Variants in EPHA4 observed in about 807,000 individuals in gnomAD.
The protein encoded by EPHA4 is EPH receptor A4, also known as ephrin type-A receptor 4.
EPHA4 carries 19 observed loss-of-function variants against 108.3 expected under a neutral mutation model. That is an observed-to-expected ratio of 0.18 (90% CI 0.12 to 0.26). The LOEUF is 0.26. Among genes scored for constraint, EPHA4 ranks in the 10% least tolerant of loss-of-function variants. The probability of loss-of-function intolerance (pLI) is 1.00; values close to 1 mark genes in which losing one functional copy is unlikely to be tolerated. For missense variants in EPHA4, 917 were observed against 1,254.0 expected (o/e 0.73, Z 4.06); for synonymous variants, 449 against 455.5 (o/e 0.99, Z 0.18).
chr2:221,571,647 C>G lies in EPHA4; in HGVS notation c.91+511G>C, dbSNP rs776261137. 1.3e-5 allele frequency among the ~76,000 whole-genome samples: 2 copies of G among 152,144 alleles called. No individual in the cohort carries two copies. The highest frequency in any genetic ancestry group is 2.9e-5 in the Non-Finnish European group (2 of 68,024). On this transcript the variant is annotated intron_variant, in intron 1 of 17. Transcript: ENST00000281821. The surrounding 1 kb of genome is among the most constrained non-coding windows in gnomAD (Gnocchi z 6.3). ...GGCGCCTGACGAGCGGCGCCACGAC[C>G]GCTGCGCTGCGGAGCAGGCCCCGCA...
At chr2:221,433,472 G>A (rs890943260) in intron 14 of EPHA4, among the ~76,000 whole-genome samples, 4 of 152,084 alleles carry the variant, frequency 2.6e-5, no homozygotes, top group Non-Finnish European at 4.4e-5. Context: ...CGTGTTCTAG[G>A]AAGACCCCTT....
chr2:221,506,255 T>C (rs867187875), intron 3 of EPHA4, among the ~76,000 whole-genome samples: 1 of 152,228 alleles, frequency 6.6e-6, no homozygotes, highest in African/African-American at 2.4e-5. Context: ...TGGCCATTAT[T>C]AAATTAGTTC....
chr2:221,495,107 T>C (rs1692263646), intron 4 of EPHA4, among the ~76,000 whole-genome samples: 1 of 151,936 alleles, frequency 6.6e-6, no homozygotes, highest in African/African-American at 2.4e-5. Context: ...GTGAGGATTC[T>C]GGAAGAAACA....
At chr2:221,516,749 G>A (rs1216428778) in intron 3 of EPHA4, among the ~76,000 whole-genome samples, 4 of 150,588 alleles carry the variant, frequency 2.7e-5, no homozygotes, top group Non-Finnish European at 3.0e-5. Context: ...AGTCCAGCAC[G>A]TTTATCTTTC....
Position 221,454,624 on chromosome 2 carries a change from G to C in EPHA4, c.1715+923C>G, listed in dbSNP as rs115041782. Among the ~76,000 whole-genome samples the C allele has an allele frequency of 5.3e-3, 803 of 152,280 alleles. 5 individuals are homozygous for C. Among genetic ancestry groups the C allele is most frequent in the African/African-American group, 0.018 (764 of 41,558 alleles). ...ATGGTATATGGGGATGCCGATCAGG[G>C]AAGAGGCAGATTCTTACACATCAAA... On this transcript the variant is annotated intron_variant, in intron 8 of 17. Coordinates refer to ENST00000281821, the MANE Select transcript of EPHA4 (RefSeq NM_004438.5).
At chr2:221,549,966 G>A (rs968656107) in intron 3 of EPHA4, among the ~76,000 whole-genome samples, 2 of 152,204 alleles carry the variant, frequency 1.3e-5, no homozygotes, top group African/African-American at 4.8e-5. Context: ...GGGCAGCAGA[G>A]TGAGACTCCA....
chr2:221,426,359 C>T lies in EPHA4; in HGVS notation c.2846+105G>A, dbSNP rs978796715. ...TACTCAATCAAAATGAGAGGCATTC[C>T]AGATTTTTTTTAAATGAGTAGGATG... On this transcript the variant is annotated intron_variant, in intron 16 of 17. Transcript: ENST00000281821. The T allele has an allele frequency of 6.6e-6, 9 of 1,364,744 alleles. No homozygotes were observed. The African/African-American group carries it at 1.3e-4, about 20-fold the overall frequency. The allele number at this position is 1,364,744 out of a possible 1,614,324, so 84.5% of individuals were successfully genotyped here. A position where few individuals can be genotyped will look rare whatever the true frequency, so the allele number is the denominator to read the frequency against.
rs777131300 is a variant in EPHA4 at position 221,568,764 on chromosome 2, G to A, written c.113C>T (p.Ser38Phe). 2 of 1,613,724 alleles carry A rather than the reference G, an allele frequency of 1.2e-6. No individual in the cohort carries two copies. The highest frequency in any genetic ancestry group is 1.7e-6 in the Non-Finnish European group (2 of 1,179,860). The change falls in exon 2 of 18, where the codon TCT becomes TTT. Residue 38 changes from serine (S) to phenylalanine (F), a missense_variant. By Grantham distance (155) the Ser-to-Phe change is radical. Coordinates refer to ENST00000281821, the MANE Select transcript of EPHA4 (RefSeq NM_004438.5). ...TATCCACCCAAGTTCTCCCTGAACA[G>A]ATCTGGAATCCAATAAGGTAACTGC... is the stretch of plus-strand genomic sequence containing the variant. ...ANEVTLLDSR[S>F]VQGELGWIAS...
intron 3 of EPHA4, among the ~76,000 whole-genome samples, chr2:221,546,727 C>T (rs1694009356): frequency 6.6e-6 from 1 of 152,096 alleles, no homozygotes; most frequent in Non-Finnish European, 1.5e-5. Flanking sequence ...TGAGAAAAGA[C>T]AATAAAGAAC....
At chr2:221,463,011 C>T (rs1025065755) in intron 5 of EPHA4, among the ~76,000 whole-genome samples, 1 of 152,114 alleles carries the variant, frequency 6.6e-6, no homozygotes. Context: ...GGATCCTAAG[C>T]CTCCAAAGAT....
chr2:221,543,840 G>A (rs543559406), intron 3 of EPHA4, among the ~76,000 whole-genome samples: 1 of 152,210 alleles, frequency 6.6e-6, no homozygotes, highest in Admixed American at 6.5e-5. Context: ...GAAGCTTTAG[G>A]ATGCCATGTA....
At chr2:221,539,158 C>T (rs1014317386) in intron 3 of EPHA4, among the ~76,000 whole-genome samples, 2 of 152,118 alleles carry the variant, frequency 1.3e-5, no homozygotes, top group Admixed American at 6.5e-5. Context: ...TAGGAGTAAG[C>T]GCTAATATTG....
intron 4 of EPHA4, among the ~76,000 whole-genome samples, chr2:221,494,584 G>GCAA (rs1692249677): frequency 6.6e-6 from 1 of 152,130 alleles, no homozygotes; most frequent in Non-Finnish European, 1.5e-5. Flanking sequence ...TCCAGCCTGG[G>GCAA]CAACACAGTG....
At chr2:221,454,106 G>T (rs1232643299) in intron 8 of EPHA4, among the ~76,000 whole-genome samples, 4 of 152,042 alleles carry the variant, frequency 2.6e-5, no homozygotes, top group Non-Finnish European at 5.9e-5. Context: ...CTTGAACCCA[G>T]GAGGCAGACG....
chr2:221,499,748 ATATATATATTTT>A (rs1353748572), intron 4 of EPHA4, among the ~76,000 whole-genome samples: 53 of 44,926 alleles, frequency 1.2e-3, no homozygotes, highest in African/African-American at 6.1e-3. Flanking sequence ...ATATATATAT[ATATATATATTTT>A]TTTTTTTTTT....
intron 4 of EPHA4, among the ~76,000 whole-genome samples, chr2:221,484,521 T>A (rs1262006661): frequency 2.0e-5 from 3 of 152,228 alleles, no homozygotes; most frequent in South Asian, 2.1e-4. Flanking sequence ...AAGGGAAGAT[T>A]ACTTCACATA....
chr2:221,429,585 T>A (rs1049119856), intron 15 of EPHA4, among the ~76,000 whole-genome samples: 2 of 152,208 alleles, frequency 1.3e-5, no homozygotes, highest in African/African-American at 4.8e-5. Context: ...TATTTCTTAC[T>A]ATTCCAGTGT....
chr2:221,469,277 T>C (rs1691405417), intron 5 of EPHA4, among the ~76,000 whole-genome samples: 1 of 152,148 alleles, frequency 6.6e-6, no homozygotes, highest in African/African-American at 2.4e-5. Flanking sequence ...AGAGTATCAT[T>C]TACAGCTTTT....
chr2:221,564,394 A>G lies in EPHA4; in HGVS notation c.160T>C (p.Trp54Arg). 1 of 1,605,882 alleles carries G rather than the reference A, an allele frequency of 6.2e-7. No homozygotes were observed. Among genetic ancestry groups the G allele is most frequent in the Non-Finnish European group, 8.5e-7 (1 of 1,173,712 alleles). Residue 54 changes from tryptophan to arginine, a missense_variant and splice_region_variant, in exon 3 of 18, where the codon TGG becomes CGG. Transcript: ENST00000281821. The part of the protein sequence containing the change: ...GWIASPLEGG[W>R]EEVSIMDEKN... ...TCATCCATGATACTCACTTCCTCCC[A>G]CTGCAAAGATCCAAAGCAGATGTAT... is the stretch of plus-strand genomic sequence containing the variant.
Sources: allele counts gnomAD v4.1 joint callset (sites outside exome capture counted in the v4.1 genomes callset), GRCh38; gene constraint gnomAD v4.1.1; non-coding constraint Gnocchi (gnomAD v3.1); transcripts MANE v1.5; gene names NCBI Gene and HGNC (gene_info 2026-07-23, HGNC 2026-07-21).